The following RNF213 variants were observed in gnomAD, a reference collection of about 807,000 sequenced individuals.
RNF213 encodes the protein ring finger protein 213, also known as E3 ubiquitin-protein ligase RNF213.
A neutral mutation model predicts 514.4 loss-of-function variants in RNF213; 341 were observed. The observed-to-expected ratio is 0.66, with a 90% CI of 0.61 to 0.73. RNF213 has a LOEUF of 0.73. Among genes scored for constraint, RNF213 ranks in the 30% least tolerant of loss-of-function variants. RNF213 has a pLI of 0.00. For missense variants in RNF213, 5,767 were observed against 6,615.6 expected (o/e 0.87, Z 4.45); for synonymous variants, 2,655 against 2,658.2 (o/e 1.00, Z 0.04).
intron 45 of RNF213, 27 bp from the exon 46 acceptor site, chr17:80,369,741 G>C (rs750850520): frequency 1.9e-6 from 3 of 1,608,800 alleles, no homozygotes; most frequent in Non-Finnish European, 1.7e-6. Flanking sequence ...CTCATGCAGT[G>C]AGCTGCCTTT....
chr17:80,269,657 A>C (rs74769342), intron 2 of RNF213, among the ~76,000 whole-genome samples: 2,887 of 150,812 alleles, frequency 0.019, 58 homozygotes, highest in East Asian at 0.11. Flanking sequence ...TTCATCCATC[A>C]ATCTATCCAT....
chr17:80,263,215 T>G lies in RNF213; in HGVS notation c.-108-359T>G, dbSNP rs1444945109. Among the ~76,000 whole-genome samples the G allele has an allele frequency of 1.3e-5, 2 of 152,158 alleles. No individual in the cohort carries two copies. Among genetic ancestry groups the G allele is most frequent in the Non-Finnish European group, 2.9e-5 (2 of 68,016 alleles). ...GACTGCCAGCCCAGTAGCCCTGGGC[T>G]GCCTGCTCAGGCCCCATCACCTGTG... is the stretch of plus-strand genomic sequence containing the variant. On this transcript the variant is annotated intron_variant, in intron 1 of 67. Transcript: ENST00000582970. The surrounding 1 kb of genome is among the most constrained non-coding windows in gnomAD (Gnocchi z 4.9).
chr17:80,321,002 C>T (rs990294204), intron 17 of RNF213: 1 of 152,110 alleles, frequency 6.6e-6, no homozygotes, highest in African/African-American at 2.4e-5. Flanking sequence ...GCAATAACAA[C>T]AAAAGTCCAT....
At chr17:80,320,611 A>T (rs542628768) in intron 17 of RNF213, 1 of 152,230 alleles carries the variant, frequency 6.6e-6, no homozygotes, top group Admixed American at 6.5e-5. Context: ...GCTGGTCTCG[A>T]ACTCCCGACC....
rs536243730 is a variant in RNF213, at chr17:80,308,867, GACTGAGATTTTCCAGACGTT to G, written c.2502-149_2502-130del. The G allele has an allele frequency of 3.2e-4, 286 of 900,202 alleles. 1 individual carries two copies. In the South Asian group the frequency reaches 3.8e-3, roughly 12 times the overall value. The allele number at this position is 900,202 out of a possible 1,614,324, so 55.8% of individuals were successfully genotyped here. A position where few individuals can be genotyped will look rare whatever the true frequency, so the allele number is the denominator to read the frequency against. On this transcript the variant is annotated intron_variant, in intron 13 of 67. Coordinates refer to ENST00000582970, the MANE Select transcript of RNF213 (RefSeq NM_001256071.3). ...TTATCTTAGTCACAAGTTCAGGACT[GACTGAGATTTTCCAGACGTT>G]AACCTAGATAAGGTCAAACAAATGC...
intron 15 of RNF213, among the ~76,000 whole-genome samples, chr17:80,314,352 GTAC>G (rs1191589166): frequency 6.5e-5 from 1 of 15,406 alleles, no homozygotes; most frequent in East Asian, 1.9e-3. Flanking sequence ...GGTGGTGGAG[GTAC>G]TGGAGGTGAT....
chr17:80,322,606 G>A (rs2046177046), intron 17 of RNF213, among the ~76,000 whole-genome samples: 1 of 152,038 alleles, frequency 6.6e-6, no homozygotes, highest in African/African-American at 2.4e-5. Flanking sequence ...GTAGAGACAG[G>A]GTCTTGAGAT....
At chr17:80,309,217 G>A (rs764843249) in intron 14 of RNF213, 46 bp downstream of exon 14, 1 of 1,611,044 alleles carries the variant, frequency 6.2e-7, no homozygotes, top group Admixed American at 1.7e-5. Context: ...GATAGGTGCG[G>A]AATTTCAAGC....
At chr17:80,270,011 G>A (rs955988644) in intron 2 of RNF213, among the ~76,000 whole-genome samples, 9 of 152,352 alleles carry the variant, frequency 5.9e-5, no homozygotes, top group Non-Finnish European at 1.0e-4. Context: ...AAAATAGCAC[G>A]AAGTTTCCTC....
intron 21 of RNF213, chr17:80,333,842 TG>T: frequency 2.1e-6 from 1 of 467,844 alleles, no homozygotes; most frequent in East Asian, 3.9e-5. Context: ...TGTGAGGAAT[TG>T]ATTTTAAAAT....
At position 80,381,764 on chromosome 17, in the gene RNF213, A is replaced by G. The variant is rs771354087; in HGVS notation, c.13978+37A>G. The G allele has an allele frequency of 3.8e-6, 6 of 1,592,048 alleles. No individual in the cohort carries two copies. In the South Asian group the frequency reaches 5.6e-5, roughly 15 times the overall value. ...GGCAAGGGCTGGGCGGGGATCACACAGCACAACGGCAGCGCAAGCAGGCTC... is the reference window on the plus strand; with the variant it reads ...GGCAAGGGCTGGGCGGGGATCACACGGCACAACGGCAGCGCAAGCAGGCTC... On this transcript the variant is annotated intron_variant, in intron 57 of 67. Coordinates refer to ENST00000582970, the MANE Select transcript of RNF213 (RefSeq NM_001256071.3).
chr17:80,363,827 GC>G (rs1490457593), intron 41 of RNF213, 37 bp downstream of exon 41: 1 of 1,597,882 alleles, frequency 6.3e-7, no homozygotes. Context: ...GCTTCATCTG[GC>G]GCGCGCTCAC....
In RNF213 at chr17:80,342,999, G is replaced by A. The variant is rs1256800299; in HGVS notation, c.5990-133G>A. The A allele has an allele frequency of 1.7e-5, 12 of 725,766 alleles. No homozygotes were observed. In the East Asian group the frequency reaches 3.3e-4, roughly 20 times the overall value. The allele number at this position is 725,766 out of a possible 1,614,324, so 45.0% of individuals were successfully genotyped here. On this transcript the variant is annotated intron_variant, in intron 26 of 67. Transcript: ENST00000582970. Reference sequence around the variant, plus strand: ...TTTTTTGTATTTTTAGTAGGGACGGGATTTCACCACGTTGACCAGGCTGGC... The same window carrying A: ...TTTTTTGTATTTTTAGTAGGGACGGAATTTCACCACGTTGACCAGGCTGGC...
At chr17:80,265,691 G>GA (rs2145087303) in intron 2 of RNF213, among the ~76,000 whole-genome samples, 1 of 152,304 alleles carries the variant, frequency 6.6e-6, no homozygotes, top group African/African-American at 2.4e-5. Context: ...TGAAATTGTA[G>GA]AAAATCGAGC....
Position 80,347,720 on chromosome 17 carries a change from G to A in RNF213, c.9385G>A (p.Val3129Met), listed in dbSNP as rs759015333. ...CGTCCACCTCGGCGGCCAGAAGTAC[G>A]TGGACCTCGGTCTGGGGACCCACCG... Reference protein sequence around the residue: ...YYVHLGGQKYVDLGLGTHRVK... With the variant: ...YYVHLGGQKYMDLGLGTHRVK... Residue 3129 changes from valine to methionine, a missense_variant, in exon 29 of 68, where the codon GTG becomes ATG. Coordinates refer to ENST00000582970, the MANE Select transcript of RNF213 (RefSeq NM_001256071.3). This position sits in a 1 kb window ranked among gnomAD's most constrained non-coding sequence, Gnocchi z 7.2. The A allele has an allele frequency of 1.1e-5, 18 of 1,614,078 alleles. No homozygotes were observed. Among genetic ancestry groups the A allele is most frequent in the Admixed American group, 1.7e-5 (1 of 60,030 alleles).
intron 50 of RNF213, chr17:80,374,925 A>T: frequency 5.8e-6 from 2 of 346,808 alleles, no homozygotes; most frequent in Non-Finnish European, 1.1e-5. Flanking sequence ...ATGCTGACAC[A>T]ACTATTAATA....
chr17:80,331,978 T>G (rs781301563), intron 20 of RNF213, 28 bp from the exon 21 acceptor site: 8 of 1,523,888 alleles, frequency 5.2e-6, no homozygotes, highest in Non-Finnish European at 6.2e-6. Context: ...GAGCTTTGAC[T>G]TCTGACACTT....
intron 42 of RNF213, among the ~76,000 whole-genome samples, chr17:80,365,553 C>T (rs917325730): frequency 6.6e-6 from 1 of 151,772 alleles, no homozygotes; most frequent in African/African-American, 2.4e-5. Context: ...AGAGCCCAAT[C>T]CCGGACACGC....
intron 17 of RNF213, among the ~76,000 whole-genome samples, chr17:80,324,594 G>C (rs143072652): frequency 5.3e-5 from 8 of 151,958 alleles, no homozygotes; most frequent in Non-Finnish European, 8.8e-5. Flanking sequence ...ATTGTTTCTC[G>C]GAGGAGAATT....
Sources: gnomAD v4.1 joint callset for allele counts (sites outside exome capture counted in the v4.1 genomes callset) on GRCh38, gnomAD v4.1.1 for gene constraint, Gnocchi (gnomAD v3.1) non-coding constraint, MANE v1.5 for transcripts, NCBI Gene and HGNC (gene_info 2026-07-23, HGNC 2026-07-21) for gene names.